SOX5: variants seen among roughly 807,000 people sequenced by gnomAD.
SOX5 encodes the protein SRY-box transcription factor 5.
In SOX5, 9 loss-of-function variants were observed where a neutral mutation model predicts 92.0. The observed-to-expected ratio is 0.10, with a 90% confidence interval of 0.06 to 0.17. SOX5 has a LOEUF of 0.17. SOX5 is among the 10% of genes least tolerant of loss of function. SOX5 has a pLI of 1.00. For missense variants in SOX5, 642 were observed against 944.5 expected, an observed-to-expected ratio of 0.68 and a Z score of 4.20; for synonymous variants, 344 against 336.3, an observed-to-expected ratio of 1.02 and a Z score of -0.25.
intron 4 of SOX5, among the ~76,000 whole-genome samples, chr12:24,051,667 TAGG>T (rs1569524242): frequency 6.6e-6 from 1 of 152,184 alleles, no homozygotes. Flanking sequence ...TAGTATAAGT[TAGG>T]AGGAGAAGAA....
chr12:23,897,297 A>G (rs1358325272), intron 1 of SOX5, among the ~76,000 whole-genome samples: 2 of 152,124 alleles, frequency 1.3e-5, no homozygotes, highest in East Asian at 1.9e-4. Flanking sequence ...TTTTAGTGTT[A>G]TAAGTTTCAA....
chr12:24,525,956 G>T (rs142303805), intron 1 of SOX5, among the ~76,000 whole-genome samples: 7 of 151,690 alleles, frequency 4.6e-5, no homozygotes, highest in African/African-American at 1.5e-4. Flanking sequence ...CTGCAGCCCC[G>T]CACTCCTGGG....
chr12:24,369,715 T>C (rs1349457249), intron 1 of SOX5, among the ~76,000 whole-genome samples: 1 of 152,228 alleles, frequency 6.6e-6, no homozygotes, highest in East Asian at 1.9e-4. Flanking sequence ...GAAGCTGAGG[T>C]TGGTTTTGGG....
intron 1 of SOX5, 35 bp downstream of exon 1, chr12:23,949,526 TGTA>T: frequency 6.2e-7 from 1 of 1,612,002 alleles, no homozygotes; most frequent in Non-Finnish European, 8.5e-7. Context: ...ATGGGAGAGT[TGTA>T]CTTCAATATA....
At chr12:24,189,399 A>C (rs190615257) in intron 4 of SOX5, among the ~76,000 whole-genome samples, 121 of 152,338 alleles carry the variant, frequency 7.9e-4, no homozygotes, top group African/African-American at 2.6e-3. Context: ...TATTCAGGAC[A>C]CATGGTTTTC....
At chr12:24,482,582 A>G (rs1212178338) in intron 1 of SOX5, among the ~76,000 whole-genome samples, 1 of 152,226 alleles carries the variant, frequency 6.6e-6, no homozygotes, top group Non-Finnish European at 1.5e-5. Flanking sequence ...TACAATTTCA[A>G]TCTGTCCAAC....
intron 6 of SOX5, among the ~76,000 whole-genome samples, chr12:23,727,965 C>G (rs960444336): frequency 6.6e-6 from 1 of 151,998 alleles, no homozygotes; most frequent in African/African-American, 2.4e-5. Flanking sequence ...TTTGCCTAGA[C>G]AGAGAAATAA....
At chr12:23,725,203 G>A (rs2140681227) in intron 6 of SOX5, among the ~76,000 whole-genome samples, 1 of 152,282 alleles carries the variant, frequency 6.6e-6, no homozygotes, top group African/African-American at 2.4e-5. Flanking sequence ...TGAAGTGCCT[G>A]TTAGGTATCC....
Position 23,741,625 on chromosome 12 carries a change from G to A in SOX5, c.569-586C>T, listed in dbSNP as rs373125301. 9.2e-5 allele frequency among the ~76,000 whole-genome samples: 14 copies of A among 152,236 alleles called. No homozygotes were observed. The East Asian group carries it at 1.2e-3, about 13-fold the overall frequency. On this transcript the variant is annotated intron_variant, in intron 4 of 14. Coordinates refer to ENST00000451604, the MANE Select transcript of SOX5 (RefSeq NM_006940.6). ...ATTCAGAATTCTATGTTAAAAGAGA[G>A]CAAACATCTATCTAGCCAATCAAGT... is the stretch of plus-strand genomic sequence containing the variant.
At chr12:23,950,027 C>G (rs1342661058), upstream of SOX5, among the ~76,000 whole-genome samples, 1 of 151,922 alleles carries the variant, frequency 6.6e-6, no homozygotes, top group East Asian at 1.9e-4. Context: ...CATACTCTGT[C>G]TTCTAAATCA....
chr12:23,797,380 C>T (rs1428304831), intron 3 of SOX5, among the ~76,000 whole-genome samples: 3 of 151,952 alleles, frequency 2.0e-5, no homozygotes, highest in Admixed American at 6.6e-5. Context: ...CTATGTGGGT[C>T]GGTTGAACAA....
chr12:24,353,810 T>G (rs561505330), intron 2 of SOX5, among the ~76,000 whole-genome samples: 3 of 151,648 alleles, frequency 2.0e-5, no homozygotes, highest in South Asian at 2.1e-4. Flanking sequence ...CCAGCTAATT[T>G]TTGTATTTTT....
chr12:24,456,246 C>T (rs1203868577), intron 1 of SOX5, among the ~76,000 whole-genome samples: 1 of 152,094 alleles, frequency 6.6e-6, no homozygotes, highest in Admixed American at 6.5e-5. Context: ...CTAGTTAGTC[C>T]CAGGACCAGA....
rs2135800722 is a variant in SOX5 at position 23,531,071 on chromosome 12, T to C, written c.*3148A>G. On this transcript the variant is annotated 3_prime_UTR_variant, in exon 15 of 15. Transcript: ENST00000451604. Reference sequence around the variant, plus strand: ...AATGTAGTAACACAGTAAGTTGCTATTCATAGCACCTTTTATCAAGTGACT... The same window carrying C: ...AATGTAGTAACACAGTAAGTTGCTACTCATAGCACCTTTTATCAAGTGACT... 2 of 152,292 alleles carry C rather than the reference T, an allele frequency of 1.3e-5. 1 individual carries two copies. Among genetic ancestry groups the C allele is most frequent in the South Asian group, 4.1e-4 (2 of 4,822 alleles). 9.4% of individuals were successfully genotyped at this position (152,292 alleles called of 1,614,324 possible).
rs965855962 is a variant in SOX5 at position 23,552,423 on chromosome 12, T to C, written c.1489-5999A>G. 5.3e-5 allele frequency among the ~76,000 whole-genome samples: 8 copies of C among 151,872 alleles called. No homozygotes were observed. In the East Asian group the frequency reaches 9.6e-4, roughly 18 times the overall value. On this transcript the variant is annotated intron_variant, in intron 11 of 14. Transcript: ENST00000451604. ...GGACTTAACTTAGTTTAACTCAGTT[T>C]TTGAGCATCCTCCTATCCATTAAAC...
intron 4 of SOX5, among the ~76,000 whole-genome samples, chr12:24,071,246 A>G (rs1056234159): frequency 6.6e-6 from 1 of 152,186 alleles, no homozygotes; most frequent in African/African-American, 2.4e-5. Context: ...TAACAGTGTT[A>G]ATAACAATAT....
chr12:24,290,836 C>CAA (rs1466098542), intron 2 of SOX5, among the ~76,000 whole-genome samples: 1 of 152,114 alleles, frequency 6.6e-6, no homozygotes, highest in Non-Finnish European at 1.5e-5. Flanking sequence ...GCTTCCCAGA[C>CAA]AAAAGGATAA....
chr12:24,253,259 C>T (rs1940505599), intron 3 of SOX5, among the ~76,000 whole-genome samples: 1 of 147,538 alleles, frequency 6.8e-6, no homozygotes, highest in African/African-American at 2.5e-5. Context: ...ATCAGAGAAG[C>T]ACGTGCACAT....
intron 2 of SOX5, among the ~76,000 whole-genome samples, chr12:24,298,351 G>C (rs1443815098): frequency 6.6e-6 from 1 of 152,196 alleles, no homozygotes; most frequent in Non-Finnish European, 1.5e-5. Flanking sequence ...TTACAGGCGT[G>C]AGCCACCATG....
Sources: gnomAD v4.1 joint callset for allele counts (sites outside exome capture counted in the v4.1 genomes callset) on GRCh38, gnomAD v4.1.1 for gene constraint, MANE v1.5 for transcripts, NCBI Gene and HGNC (gene_info 2026-07-23, HGNC 2026-07-21) for gene names.